The following HBS1L variants were observed in gnomAD, a reference collection of about 807,000 sequenced individuals.
The protein encoded by HBS1L is HBS1 like translational GTPase.
Under a neutral mutation model 88.9 loss-of-function variants are expected in HBS1L, and 55 were observed. The observed-to-expected ratio is 0.62, with a 90% confidence interval of 0.50 to 0.77. The LOEUF is 0.77. Ranked by LOEUF, HBS1L falls within the 30% of genes least tolerant of loss-of-function variation. HBS1L has a pLI of 0.00. For missense variants in HBS1L, 741 were observed against 829.3 expected, an observed-to-expected ratio of 0.89 and a Z score of 1.31; for synonymous variants, 267 against 288.5, an observed-to-expected ratio of 0.93 and a Z score of 0.76.
intron 2 of HBS1L, among the ~76,000 whole-genome samples, chr6:135,043,454 G>C (rs937340527): frequency 5.3e-5 from 8 of 152,170 alleles, no homozygotes; most frequent in African/African-American, 1.9e-4. Context: ...TAGAGAAAAA[G>C]ACATCAAAAT....
At chr6:134,996,732 A>G (rs760624853) in intron 7 of HBS1L, 45 bp downstream of exon 7, 12 of 1,392,978 alleles carry the variant, frequency 8.6e-6, no homozygotes, top group South Asian at 4.2e-5. Flanking sequence ...TTATTTTAGA[A>G]GACTGTATGA....
At chr6:134,978,652 G>A in intron 15 of HBS1L, 27 bp downstream of exon 15, 1 of 1,226,114 alleles carries the variant, frequency 8.2e-7, no homozygotes, top group Non-Finnish European at 1.2e-6. Flanking sequence ...TATAAAAACA[G>A]GAATAATAAA....
chr6:134,976,554 A>G (rs908042426), intron 15 of HBS1L, among the ~76,000 whole-genome samples: 2 of 152,162 alleles, frequency 1.3e-5, no homozygotes, highest in African/African-American at 4.8e-5. Flanking sequence ...TATGTACACC[A>G]TGGAATACTA....
intron 1 of HBS1L, among the ~76,000 whole-genome samples, 180 bp from the exon 2 acceptor site, chr6:135,050,827 A>C (rs1777058569): frequency 6.6e-6 from 1 of 152,198 alleles, no homozygotes; most frequent in Non-Finnish European, 1.5e-5. Flanking sequence ...TTATTTACTA[A>C]CTCTATATTT....
chr6:135,045,246 T>G (rs1471077554), intron 2 of HBS1L, among the ~76,000 whole-genome samples: 2 of 152,052 alleles, frequency 1.3e-5, no homozygotes, highest in Non-Finnish European at 2.9e-5. Context: ...GAGAAAGTAA[T>G]GATGAGAAAA....
chr6:134,987,766 T>C lies in HBS1L; in HGVS notation c.1109A>G (p.Asp370Gly). The C allele has an allele frequency of 1.9e-6, 3 of 1,600,296 alleles. No individual in the cohort carries two copies. Among genetic ancestry groups the C allele is most frequent in the Non-Finnish European group, 2.6e-6 (3 of 1,173,566 alleles). ...AGCTTCAAACTCTCCCCTGCTGGCA[T>C]CTACAACTAAAACAGCTACATCCGC... ...AQADVAVLVV[D>G]ASRGEFEAGF... The change falls in exon 9 of 18, where the codon GAT becomes GGT. Residue 370 changes from aspartate (D) to glycine (G), a missense_variant. Physicochemically the swap from Asp to Gly is moderately conservative, Grantham distance 94 (BLOSUM62 -1). This residue lies in a region of HBS1L where 556 missense variants were observed against 598.4 expected (regional missense o/e 0.93). Transcript: ENST00000367837.
At chr6:135,014,851 C>CAAAAA (rs57153800) in intron 4 of HBS1L, among the ~76,000 whole-genome samples, 9 of 85,334 alleles carry the variant, frequency 1.1e-4, no homozygotes, top group Admixed American at 1.4e-4. Context: ...ACTGTCTCTA[C>CAAAAA]AAAAAAAAAA....
intron 4 of HBS1L, among the ~76,000 whole-genome samples, chr6:135,025,272 G>A (rs568183586): frequency 6.6e-6 from 1 of 152,164 alleles, no homozygotes; most frequent in African/African-American, 2.4e-5. Flanking sequence ...CAGAAATGTG[G>A]ATCAAACTGA....
intron 4 of HBS1L, among the ~76,000 whole-genome samples, chr6:135,003,539 C>A (rs1186304465): frequency 6.8e-6 from 1 of 147,300 alleles, no homozygotes; most frequent in African/African-American, 2.5e-5. Flanking sequence ...TGCACTTCAG[C>A]CTGGGTGACA....
At chr6:135,014,321 T>G (rs964268827) in intron 4 of HBS1L, among the ~76,000 whole-genome samples, 4 of 152,354 alleles carry the variant, frequency 2.6e-5, no homozygotes, top group African/African-American at 9.6e-5. Flanking sequence ...TTTTATTTTA[T>G]GAAAGACTGC....
At chr6:134,971,117 A>AG (rs397725111) in intron 15 of HBS1L, among the ~76,000 whole-genome samples, 3 of 150,886 alleles carry the variant, frequency 2.0e-5, no homozygotes, top group African/African-American at 2.4e-5. Context: ...AAAAAAAAAA[A>AG]GGGCACAGCT....
At chr6:134,997,050 T>C in intron 6 of HBS1L, 108 bp from the exon 7 acceptor site, 2 of 798,276 alleles carry the variant, frequency 2.5e-6, no homozygotes, top group Non-Finnish European at 4.0e-6. Flanking sequence ...TTTACAGTAA[T>C]ACCAGTATTT....
Position 134,974,179 on chromosome 6 carries a change from T to C in HBS1L, c.1797+4500A>G, listed in dbSNP as rs1025980241. 5.3e-5 allele frequency among the ~76,000 whole-genome samples: 8 copies of C among 151,964 alleles called. No homozygotes were observed. The South Asian group carries it at 1.2e-3, about 24-fold the overall frequency. ...AGGAAACGGATAAATCCTGGAAACA[T>C]ACAACCCTCCAAGCTTGAATCAGGA... On this transcript the variant is annotated intron_variant, in intron 15 of 17. Coordinates refer to ENST00000367837, the MANE Select transcript of HBS1L (RefSeq NM_006620.4).
chr6:135,016,639 T>TATC (rs1775930890), intron 4 of HBS1L, among the ~76,000 whole-genome samples: 1 of 152,236 alleles, frequency 6.6e-6, no homozygotes, highest in Admixed American at 6.5e-5. Flanking sequence ...GTAACTTGCA[T>TATC]ATCAAGCCTT....
chr6:135,018,967 T>C (rs1186228021), intron 4 of HBS1L, among the ~76,000 whole-genome samples: 1 of 151,920 alleles, frequency 6.6e-6, no homozygotes, highest in Non-Finnish European at 1.5e-5. Flanking sequence ...GCATATTATT[T>C]ATAAGCAAAG....
chr6:134,989,831 G>C (rs186799774), intron 8 of HBS1L, among the ~76,000 whole-genome samples: 371 of 152,206 alleles, frequency 2.4e-3, no homozygotes, highest in African/African-American at 8.5e-3. Context: ...AGGATTCTTA[G>C]ATTAGAATAA....
chr6:134,980,359 T>C (rs1774793949), intron 13 of HBS1L, among the ~76,000 whole-genome samples: 1 of 152,026 alleles, frequency 6.6e-6, no homozygotes, highest in African/African-American at 2.4e-5. Flanking sequence ...GGCATAACTT[T>C]CTTCAGGTAT....
intron 8 of HBS1L, among the ~76,000 whole-genome samples, chr6:134,992,553 A>G (rs1231416800): frequency 6.6e-6 from 1 of 152,192 alleles, no homozygotes. Context: ...GATCCTGTGT[A>G]GGCCTAGGCT....
chr6:135,002,795 GCA>G lies in HBS1L; in HGVS notation c.476_477del (p.Val159AlafsTer5). 6.2e-7 allele frequency: 1 copy of G among 1,613,258 alleles called. No homozygotes were observed. Among genetic ancestry groups the G allele is most frequent in the Non-Finnish European group, 8.5e-7 (1 of 1,179,512 alleles). On this transcript the variant is annotated frameshift_variant, in exon 5 of 18. Coordinates refer to ENST00000367837, the MANE Select transcript of HBS1L (RefSeq NM_006620.4). LOFTEE classifies it high-confidence loss of function. The stretch of plus-strand genomic sequence containing the variant: ...GATACAGTCATTTTAGCAACTTTTG[GCA>G]CAATTTCAGATTCACTTCGCGATGT... ...SQTSRSESEI[V>X]PKVAKMTVSG...
Sources: gnomAD v4.1 joint callset for allele counts (sites outside exome capture counted in the v4.1 genomes callset) on GRCh38, gnomAD v4.1.1 for gene constraint, gnomAD v4.1.1 regional missense constraint, MANE v1.5 for transcripts, NCBI Gene and HGNC (gene_info 2026-07-23, HGNC 2026-07-21) for gene names.